The following IGF2R variants were observed in gnomAD, a reference collection of about 807,000 sequenced individuals.
The protein encoded by IGF2R is insulin like growth factor 2 receptor, also known as cation-independent mannose-6-phosphate receptor.
IGF2R carries 91 observed loss-of-function variants against 270.6 expected under a neutral mutation model. The observed-to-expected ratio is 0.34, with a 90% CI of 0.28 to 0.40. IGF2R has a LOEUF of 0.40. IGF2R is among the 10% of genes least tolerant of loss of function. IGF2R has a pLI of 1.00. For missense variants in IGF2R, 2,805 were observed against 3,188.3 expected (o/e 0.88, Z 2.90); for synonymous variants, 1,316 against 1,258.9 (o/e 1.05, Z -0.96).
intron 2 of IGF2R, among the ~76,000 whole-genome samples, chr6:159,996,567 C>T (rs760372679): frequency 1.3e-5 from 2 of 152,122 alleles, no homozygotes; most frequent in Admixed American, 6.5e-5. Context: ...AAGGTGTCTG[C>T]GGGGAGGTGT....
chr6:159,997,013 G>T (rs1217294092), intron 2 of IGF2R, among the ~76,000 whole-genome samples: 1 of 152,194 alleles, frequency 6.6e-6, no homozygotes, highest in Non-Finnish European at 1.5e-5. Flanking sequence ...GTAGAGGGTG[G>T]GGGAGGAGAA....
At chr6:160,042,762 A>C (rs1465007498) in intron 11 of IGF2R, among the ~76,000 whole-genome samples, 1 of 152,194 alleles carries the variant, frequency 6.6e-6, no homozygotes, top group Non-Finnish European at 1.5e-5. Context: ...CAATGGTGTT[A>C]AGCGGGGTGT....
intron 33 of IGF2R, 71 bp from the exon 34 acceptor site, chr6:160,073,142 G>A (rs8191889): frequency 7.4e-5 from 117 of 1,577,736 alleles, no homozygotes; most frequent in Admixed American, 8.7e-5. Context: ...CCTGACTTGC[G>A]AAAGTTCTCA....
Position 160,084,235 on chromosome 6 carries a change from T to C in IGF2R, c.6068+51T>C, listed in dbSNP as rs377734270. 12 of 1,090,026 alleles carry C rather than the reference T, an allele frequency of 1.1e-5. No individual in the cohort carries two copies. The highest frequency in any genetic ancestry group is 3.1e-5 in the African/African-American group (2 of 64,898). 67.5% of individuals were successfully genotyped at this position (1,090,026 alleles called of 1,614,324 possible). A position where few individuals can be genotyped will look rare whatever the true frequency, so the allele number is the denominator to read the frequency against. On this transcript the variant is annotated intron_variant, in intron 40 of 47. Transcript: ENST00000356956. The surrounding 1 kb of genome is among the most constrained non-coding windows in gnomAD (Gnocchi z 4.6). ...GGCGCCACACCCTCAGCATGTGAACTTCAGACTGCTTGACGATGGTTGGCT... is the reference window on the plus strand; with the variant it reads ...GGCGCCACACCCTCAGCATGTGAACCTCAGACTGCTTGACGATGGTTGGCT...
intron 4 of IGF2R, among the ~76,000 whole-genome samples, chr6:160,022,392 A>G (rs998698583): frequency 1.3e-5 from 2 of 152,192 alleles, no homozygotes; most frequent in Non-Finnish European, 1.5e-5. Flanking sequence ...TCCTAAATCT[A>G]AATAAAACAA....
In IGF2R at chr6:160,034,546, C is replaced by T. The variant is rs769071251; in HGVS notation, c.1315+24C>T. 5 of 1,460,394 alleles carry T rather than the reference C, an allele frequency of 3.4e-6. No individual in the cohort carries two copies. In the East Asian group the frequency reaches 9.1e-5, roughly 27 times the overall value. The allele number at this position is 1,460,394 out of a possible 1,614,324, so 90.5% of individuals were successfully genotyped here. ...AGGTAAGTGTGCGCTGGAGTTCAGC[C>T]CCTCCTCTTTGCATTCATGGGCATG... On this transcript the variant is annotated intron_variant, in intron 10 of 47. Transcript: ENST00000356956.
chr6:160,083,124 G>A (rs1051030067), intron 39 of IGF2R, among the ~76,000 whole-genome samples: 10 of 152,172 alleles, frequency 6.6e-5, no homozygotes, highest in Non-Finnish European at 7.3e-5. Context: ...AGCAAAAAAG[G>A]AATGTAGTAG....
At chr6:160,057,962 T>C in intron 20 of IGF2R, 61 bp from the exon 21 acceptor site, 1 of 964,916 alleles carries the variant, frequency 1.0e-6, no homozygotes, top group South Asian at 1.3e-5. Context: ...GCTGTATGTA[T>C]GTTATGTTCC....
chr6:160,094,121 A>G (rs566418900), intron 44 of IGF2R: 1 of 445,820 alleles, frequency 2.2e-6, no homozygotes, highest in Non-Finnish European at 4.3e-6. Flanking sequence ...CTGCTGTTGC[A>G]TAACAACCCC....
At chr6:160,005,920 G>A (rs560607554) in intron 2 of IGF2R, 75 of 154,344 alleles carry the variant, frequency 4.9e-4, no homozygotes, top group Admixed American at 1.5e-3. Flanking sequence ...CTCGGCCGCC[G>A]TGCCTCCCCG....
chr6:160,008,451 T>C (rs1784281208), intron 2 of IGF2R, among the ~76,000 whole-genome samples: 1 of 152,340 alleles, frequency 6.6e-6, no homozygotes, highest in African/African-American at 2.4e-5. Context: ...ATGTTGATTT[T>C]TACATAGACT....
chr6:159,990,235 A>G (rs642588), intron 1 of IGF2R, among the ~76,000 whole-genome samples: 126,052 of 152,182 alleles, frequency 0.83, 52,779 homozygotes, highest in East Asian at 0.99. Flanking sequence ...GATTAATATG[A>G]TTTGGCTGTG....
At chr6:160,082,380 G>A (rs1414483633) in intron 39 of IGF2R, among the ~76,000 whole-genome samples, 1 of 151,756 alleles carries the variant, frequency 6.6e-6, no homozygotes, top group Non-Finnish European at 1.5e-5. Context: ...TGCAGTCTTG[G>A]CTCACTGCAA....
Position 160,073,226 on chromosome 6 carries a change from A to G in IGF2R, c.4704A>G (p.Gly1568=), listed in dbSNP as rs140337762. ...NCPPGVGACF[G]QTRISVGKAN... The stretch of plus-strand genomic sequence containing the variant: ...CTTGTGGTGCAGGGGCCTGCTTTGG[A>G]CAGACCAGGATTAGCGTGGGCAAGG... Residue 1568 remains glycine, a synonymous_variant, in exon 34 of 48, where the codon GGA becomes GGG. Coordinates refer to ENST00000356956, the MANE Select transcript of IGF2R (RefSeq NM_000876.4). 348 of 1,614,176 alleles carry G rather than the reference A, an allele frequency of 2.2e-4. No homozygotes were observed. Among genetic ancestry groups the G allele is most frequent in the Non-Finnish European group, 2.9e-4 (341 of 1,180,030 alleles).
intron 1 of IGF2R, among the ~76,000 whole-genome samples, chr6:159,970,899 G>A (rs73590510): frequency 0.017 from 2,509 of 151,896 alleles, 76 homozygotes; most frequent in African/African-American, 0.058. Context: ...GCAACATGGC[G>A]AAACCCCGTC....
In IGF2R at chr6:160,042,678, C is replaced by G. The variant is rs1384197416; in HGVS notation, c.1481-470C>G. Among the ~76,000 whole-genome samples, 4 of 152,228 alleles carry G rather than the reference C, an allele frequency of 2.6e-5. No homozygotes were observed. In the East Asian group the frequency reaches 7.7e-4, roughly 29 times the overall value. ...GCATGCATTGCATCCTGCACTCAGTCTGCAGATGTGTAAGAGGTTGCTGGT... is the reference window on the plus strand; with the variant it reads ...GCATGCATTGCATCCTGCACTCAGTGTGCAGATGTGTAAGAGGTTGCTGGT... On this transcript the variant is annotated intron_variant, in intron 11 of 47. Transcript: ENST00000356956.
chr6:160,091,846 A>G lies in IGF2R; in HGVS notation c.6655+1743A>G, dbSNP rs189972689. ...AGAAGGAAAGTCTAGGCTCTCTCTGACACAGCTTGAAGATGTCTGAGAGGC... is the reference window on the plus strand; with the variant it reads ...AGAAGGAAAGTCTAGGCTCTCTCTGGCACAGCTTGAAGATGTCTGAGAGGC... On this transcript the variant is annotated intron_variant, in intron 44 of 47. Transcript: ENST00000356956. 7.9e-5 allele frequency among the ~76,000 whole-genome samples: 12 copies of G among 152,352 alleles called. 1 individual carries two copies. In the East Asian group the frequency reaches 1.5e-3, roughly 20 times the overall value.
At position 160,073,251 on chromosome 6, in the gene IGF2R, G is replaced by A; in HGVS notation, c.4729G>A (p.Ala1577Thr). The change falls in exon 34 of 48, where the codon GCC (alanine) becomes ACC (threonine). Residue 1577 changes from alanine (A) to threonine (T), a missense_variant. Coordinates refer to ENST00000356956, the MANE Select transcript of IGF2R (RefSeq NM_000876.4). ...FGQTRISVGKANKRLRYVDQV... is the reference protein window; with the variant it reads ...FGQTRISVGKTNKRLRYVDQV... ...ACAGACCAGGATTAGCGTGGGCAAG[G>A]CCAACAAGAGGCTGAGATACGTGGA... The A allele has an allele frequency of 2.5e-6, 4 of 1,614,262 alleles. No individual in the cohort carries two copies. Among genetic ancestry groups the A allele is most frequent in the Non-Finnish European group, 3.4e-6 (4 of 1,180,050 alleles).
chr6:160,090,524 G>A (rs1462288102), intron 44 of IGF2R, among the ~76,000 whole-genome samples: 1 of 152,202 alleles, frequency 6.6e-6, no homozygotes, highest in Non-Finnish European at 1.5e-5. Context: ...TAAATGTTAG[G>A]ATGTAGGTTA....
Sources: gnomAD v4.1 joint callset for allele counts (sites outside exome capture counted in the v4.1 genomes callset) on GRCh38, gnomAD v4.1.1 for gene constraint, Gnocchi (gnomAD v3.1) non-coding constraint, MANE v1.5 for transcripts, NCBI Gene and HGNC (gene_info 2026-07-23, HGNC 2026-07-21) for gene names.